Variants in PAK2 observed in about 807,000 individuals in gnomAD.
PAK2 encodes the protein p21 (RAC1) activated kinase 2.
In PAK2, 21 loss-of-function variants were observed where a neutral mutation model predicts 65.9. The observed-to-expected ratio is 0.32, with a 90% CI of 0.23 to 0.46. The LOEUF (loss-of-function observed/expected upper bound fraction) is 0.46, where lower values mean the gene tolerates loss of function less well. Ranked by LOEUF, PAK2 falls within the 20% of genes least tolerant of loss-of-function variation. The pLI is 1.00. For missense variants in PAK2, 324 were observed against 642.6 expected, an observed-to-expected ratio of 0.50 and a Z score of 5.36; for synonymous variants, 204 against 219.7, an observed-to-expected ratio of 0.93 and a Z score of 0.63.
chr3:196,828,296 A>G, intron 14 of PAK2, 23 bp from the exon 15 acceptor site: 1 of 1,449,818 alleles, frequency 6.9e-7, no homozygotes, highest in Non-Finnish European at 9.7e-7. Flanking sequence ...TTATACATTT[A>G]TTTTTCCCCT....
chr3:196,751,894 C>T (rs1713615895), intron 1 of PAK2, among the ~76,000 whole-genome samples: 3 of 150,730 alleles, frequency 2.0e-5, no homozygotes, highest in Non-Finnish European at 3.0e-5. Flanking sequence ...AGGCGCATGC[C>T]ACCACTCTCA....
At chr3:196,825,832 G>C (rs1291093844) in intron 13 of PAK2, among the ~76,000 whole-genome samples, 1 of 151,920 alleles carries the variant, frequency 6.6e-6, no homozygotes, top group African/African-American at 2.4e-5. Context: ...GATGACCTGG[G>C]ATAATTTGTT....
chr3:196,813,101 C>T (rs77575780), intron 10 of PAK2, among the ~76,000 whole-genome samples: 7 of 152,178 alleles, frequency 4.6e-5, no homozygotes, highest in Middle Eastern at 3.4e-3. Flanking sequence ...TCATCGCAAA[C>T]GACCTGAAGC....
chr3:196,802,192 A>G (rs898508278), intron 3 of PAK2, among the ~76,000 whole-genome samples, 165 bp downstream of exon 3: 2 of 152,062 alleles, frequency 1.3e-5, no homozygotes, highest in African/African-American at 4.8e-5. Flanking sequence ...TGAGGTCAGG[A>G]GTTCGAGACC....
rs1207585766 is a variant in PAK2 at position 196,830,909 on chromosome 3, CAG to C, written c.*2507_*2508del. 1 of 151,934 alleles carries C rather than the reference CAG, an allele frequency of 6.6e-6. No individual in the cohort carries two copies. Among genetic ancestry groups the C allele is most frequent in the Non-Finnish European group, 1.5e-5 (1 of 67,990 alleles). The allele number at this position is 151,934 out of a possible 1,614,324, so 9.4% of individuals were successfully genotyped here. ...TTTTTTATTTTTATTTTTTTTGATA[CAG>C]AGTCTCACTCTGTCACTCAGGCTGG... On this transcript the variant is annotated 3_prime_UTR_variant, in exon 15 of 15. Transcript: ENST00000327134.
rs140504413 is a variant in PAK2, at chr3:196,791,400, G to A, written c.187+8567G>A. ...GCTCTATCTCAAGTTCTGCTTAATC[G>A]TTTTTGTGTTTTTCCTTTAACTTTT... On this transcript the variant is annotated intron_variant, in intron 2 of 14. Transcript: ENST00000327134. This position sits in a 1 kb window ranked among gnomAD's most constrained non-coding sequence, Gnocchi z 4.0. Among the ~76,000 whole-genome samples, 2,321 of 151,972 alleles carry A rather than the reference G, an allele frequency of 0.015. 104 individuals carry two copies. Among genetic ancestry groups the A allele is most frequent in the Admixed American group, 0.097 (1,481 of 15,250 alleles).
Position 196,829,556 on chromosome 3 carries a change from G to T in PAK2, c.*1151G>T, listed in dbSNP as rs1391881602. 1 of 152,112 alleles carries T rather than the reference G, an allele frequency of 6.6e-6. No homozygotes were observed. Among genetic ancestry groups the T allele is most frequent in the East Asian group, 1.9e-4 (1 of 5,186 alleles). The allele number at this position is 152,112 out of a possible 1,614,324, so 9.4% of individuals were successfully genotyped here. ...GGTGAGCTCTGATACAGTGAGAAGA[G>T]ATTATACTCATGAAAGAGAATGTTA... On this transcript the variant is annotated 3_prime_UTR_variant, in exon 15 of 15. Coordinates refer to ENST00000327134, the MANE Select transcript of PAK2 (RefSeq NM_002577.4).
At chr3:196,786,231 C>T (rs1714884204) in intron 2 of PAK2, among the ~76,000 whole-genome samples, 1 of 150,296 alleles carries the variant, frequency 6.7e-6, no homozygotes, top group African/African-American at 2.5e-5. Context: ...GGCTCAATCT[C>T]AGCTCTCTGC....
chr3:196,755,962 G>A (rs11927473), intron 1 of PAK2, among the ~76,000 whole-genome samples: 8,914 of 151,994 alleles, frequency 0.059, 358 homozygotes, highest in African/African-American at 0.11. Flanking sequence ...CACTGTGTTG[G>A]TCTGGCTGGT....
At chr3:196,809,596 C>T (rs1715708218) in intron 7 of PAK2, among the ~76,000 whole-genome samples, 1 of 150,664 alleles carries the variant, frequency 6.6e-6, no homozygotes, top group African/African-American at 2.4e-5. Flanking sequence ...GTCACCACAC[C>T]TGGCCTGCTC....
intron 2 of PAK2, 87 bp downstream of exon 2, chr3:196,782,920 T>G (rs1472186119): frequency 1.3e-6 from 1 of 764,590 alleles, no homozygotes; most frequent in African/African-American, 1.8e-5. Flanking sequence ...GTGAGAACAT[T>G]AAAACAGATC....
chr3:196,745,000 T>C lies in PAK2; in HGVS notation c.-22+4843T>C, dbSNP rs542208797. Among the ~76,000 whole-genome samples, 29 of 152,290 alleles carry C rather than the reference T, an allele frequency of 1.9e-4. 1 individual carries two copies. In the South Asian group the frequency reaches 6.0e-3, roughly 32 times the overall value. Reference sequence around the variant, plus strand: ...TTTCCTTATTGAGTTGTAGAAGCTCTTCACATGTAATAGATATTAATCTAT... The same window carrying C: ...TTTCCTTATTGAGTTGTAGAAGCTCCTCACATGTAATAGATATTAATCTAT... On this transcript the variant is annotated intron_variant, in intron 1 of 14. Transcript: ENST00000327134.
chr3:196,825,548 C>T (rs1417818648), intron 13 of PAK2, among the ~76,000 whole-genome samples: 1 of 151,326 alleles, frequency 6.6e-6, no homozygotes, highest in Non-Finnish European at 1.5e-5. Context: ...AAGGCTGAGG[C>T]AGGAGAATCG....
intron 13 of PAK2, among the ~76,000 whole-genome samples, chr3:196,824,537 A>G (rs572633349): frequency 6.6e-6 from 1 of 152,332 alleles, no homozygotes; most frequent in East Asian, 1.9e-4. Context: ...TTTCAACTGT[A>G]GAGAGTAAAA....
chr3:196,780,412 C>T (rs1179005187), intron 1 of PAK2, among the ~76,000 whole-genome samples: 4 of 152,214 alleles, frequency 2.6e-5, no homozygotes, highest in Non-Finnish European at 5.9e-5. Flanking sequence ...CAAGTCACGT[C>T]TTACGTGGAT....
chr3:196,798,125 TA>T (rs1411239729), intron 2 of PAK2, among the ~76,000 whole-genome samples: 3 of 151,730 alleles, frequency 2.0e-5, no homozygotes, highest in South Asian at 2.1e-4. Context: ...ATAAATGAAA[TA>T]GGGGGAAAAA....
At chr3:196,771,871 T>A (rs916406270) in intron 1 of PAK2, among the ~76,000 whole-genome samples, 22 of 152,224 alleles carry the variant, frequency 1.4e-4, no homozygotes, top group Non-Finnish European at 2.8e-4. Flanking sequence ...TCTTTCATAT[T>A]TTCTATCTCA....
rs1715097249 is a variant in PAK2, at chr3:196,792,265, G to GT, written c.187+9435dup. 1.3e-5 allele frequency among the ~76,000 whole-genome samples: 2 copies of GT among 152,168 alleles called. 1 individual carries two copies. The highest frequency in any genetic ancestry group is 1.3e-4 in the Admixed American group (2 of 15,278). On this transcript the variant is annotated intron_variant, in intron 2 of 14. Transcript: ENST00000327134. The stretch of plus-strand genomic sequence containing the variant: ...TAGTACATTAAATTGTAAACTACTA[G>GT]TTTATCGTTAACTAATAAATAATTT...
At position 196,760,206 on chromosome 3, in the gene PAK2, C is replaced by A. The variant is rs1713913954; in HGVS notation, c.-22+20049C>A. ...TCAAGTGATCCTCCTGCCTCAGCCT[C>A]TTAAGTAGCTGGGATGGTGCACACC... On this transcript the variant is annotated intron_variant, in intron 1 of 14. Transcript: ENST00000327134. Among the ~76,000 whole-genome samples the A allele has an allele frequency of 2.0e-5, 3 of 152,168 alleles. No homozygotes were observed. The South Asian group carries it at 6.2e-4, about 32-fold the overall frequency.
Sources: allele counts gnomAD v4.1 joint callset (sites outside exome capture counted in the v4.1 genomes callset), GRCh38; gene constraint gnomAD v4.1.1; non-coding constraint Gnocchi (gnomAD v3.1); transcripts MANE v1.5; gene names NCBI Gene and HGNC (gene_info 2026-07-23, HGNC 2026-07-21).